CNTNAP2: variants seen among roughly 807,000 people sequenced by gnomAD.
CNTNAP2 encodes contactin-associated protein-like 2.
Under a neutral mutation model 155.2 loss-of-function variants are expected in CNTNAP2, and 98 were observed. The observed-to-expected ratio is 0.63, with a 90% CI of 0.54 to 0.75. CNTNAP2 has a LOEUF of 0.75. Ranked by LOEUF, CNTNAP2 falls within the 30% of genes least tolerant of loss-of-function variation. The pLI is 0.00. For synonymous variants in CNTNAP2, 651 were observed against 631.2 expected (o/e 1.03, Z -0.47); for missense variants, 1,727 against 1,688.1 (o/e 1.02, Z -0.40).
rs375974861 is a variant in CNTNAP2 at position 147,147,629 on chromosome 7, C to T, written c.1348+15120C>T. ...GTCAGGATGATTTTGCATCTTCTTT[C>T]AGTAGTCAGCTTAGAAGTTCCTCCT... On this transcript the variant is annotated intron_variant, in intron 8 of 23. Transcript: ENST00000361727. 2.7e-4 allele frequency among the ~76,000 whole-genome samples: 41 copies of T among 152,176 alleles called. No individual in the cohort carries two copies. In the East Asian group the frequency reaches 4.3e-3, roughly 16 times the overall value.
chr7:147,800,750 T>C lies in CNTNAP2; in HGVS notation c.2099-102815T>C, dbSNP rs572958354. On this transcript the variant is annotated intron_variant, in intron 13 of 23. Coordinates refer to ENST00000361727, the MANE Select transcript of CNTNAP2 (RefSeq NM_014141.6). ...GCAAATACAGTCATGTGCTGCATAA[T>C]GATGTTTCATAATGATGGACCAATA... 2.6e-5 allele frequency among the ~76,000 whole-genome samples: 4 copies of C among 152,352 alleles called. No homozygotes were observed. The South Asian group carries it at 8.3e-4, about 32-fold the overall frequency.
intron 1 of CNTNAP2, among the ~76,000 whole-genome samples, chr7:146,155,862 A>C (rs7786904): frequency 6.6e-6 from 1 of 151,342 alleles, no homozygotes; most frequent in African/African-American, 2.4e-5. Flanking sequence ...ACCATGCCTG[A>C]CTAATTTTTT....
At chr7:146,285,207 C>T (rs754957107) in intron 1 of CNTNAP2, among the ~76,000 whole-genome samples, 16 of 151,952 alleles carry the variant, frequency 1.1e-4, no homozygotes, top group Non-Finnish European at 2.2e-4. Context: ...TTGACCCTGT[C>T]GATATTGACT....
chr7:146,695,233 A>C (rs941151637), intron 1 of CNTNAP2, among the ~76,000 whole-genome samples: 1 of 152,064 alleles, frequency 6.6e-6, no homozygotes, highest in Non-Finnish European at 1.5e-5. Flanking sequence ...GTTTTTGTAG[A>C]TATCTATTAT....
At chr7:147,280,265 C>T (rs1805002875) in intron 8 of CNTNAP2, among the ~76,000 whole-genome samples, 1 of 151,800 alleles carries the variant, frequency 6.6e-6, no homozygotes, top group African/African-American at 2.4e-5. Flanking sequence ...AATTAAACAA[C>T]TGAGGCTTTT....
chr7:148,217,458 C>A lies in CNTNAP2; in HGVS notation c.3181C>A (p.Pro1061Thr). 2 of 1,614,176 alleles carry A rather than the reference C, an allele frequency of 1.2e-6. No individual in the cohort carries two copies. The highest frequency in any genetic ancestry group is 1.7e-5 in the Admixed American group (1 of 60,022). The change falls in exon 19 of 24, where the codon CCC (proline) becomes ACC (threonine). Residue 1061 changes from proline to threonine, a missense_variant. By Grantham distance (38) the Pro-to-Thr change is conservative. Transcript: ENST00000361727. ...IRFSFSTTKA[P>T]CILLYISSFT... ...CTTCAGCTTCAGCACCACCAAGGCG[C>A]CCTGCATTCTCCTCTACATCAGCTC...
intron 1 of CNTNAP2, among the ~76,000 whole-genome samples, chr7:146,396,229 T>A (rs1479481589): frequency 6.6e-6 from 1 of 152,174 alleles, no homozygotes; most frequent in Non-Finnish European, 1.5e-5. Context: ...CATAAATGTG[T>A]TCTTTTCCTT....
rs17170031 is a variant in CNTNAP2 at position 146,299,776 on chromosome 7, C to A, written c.97+182803C>A. Among the ~76,000 whole-genome samples the A allele has an allele frequency of 1.1e-3, 168 of 151,970 alleles. 5 individuals carry two copies. The East Asian group carries it at 0.025, about 23-fold the overall frequency. Reference sequence around the variant, plus strand: ...ATGTGAAACCTTCAGGAATGCATACCCTTTTAGAGAGAAATAAGTCTTAAG... The same window carrying A: ...ATGTGAAACCTTCAGGAATGCATACACTTTTAGAGAGAAATAAGTCTTAAG... On this transcript the variant is annotated intron_variant, in intron 1 of 23. Transcript: ENST00000361727.
intron 1 of CNTNAP2, among the ~76,000 whole-genome samples, chr7:146,640,374 G>T (rs1203713512): frequency 6.6e-6 from 1 of 152,176 alleles, no homozygotes; most frequent in Non-Finnish European, 1.5e-5. Context: ...TTGCACTGTT[G>T]TTTGATAATG....
At chr7:146,861,212 C>T (rs541257820) in intron 3 of CNTNAP2, among the ~76,000 whole-genome samples, 99 of 152,012 alleles carry the variant, frequency 6.5e-4, no homozygotes, top group East Asian at 3.1e-3. Flanking sequence ...AGGCTCATGC[C>T]CAGCTAATTT....
chr7:146,721,356 CTATATACATTCTA>C (rs1211770198), intron 1 of CNTNAP2, among the ~76,000 whole-genome samples: 1 of 128,550 alleles, frequency 7.8e-6, no homozygotes, highest in Admixed American at 8.3e-5. Flanking sequence ...TATATACATT[CTATATACATTCTA>C]TATATACATT....
chr7:148,018,723 C>G (rs187864233), intron 15 of CNTNAP2, among the ~76,000 whole-genome samples: 12 of 152,332 alleles, frequency 7.9e-5, no homozygotes, highest in Admixed American at 2.6e-4. Flanking sequence ...CCAGCCCAGA[C>G]CTTTGTCGTG....
At chr7:148,331,690 C>CGGATGGATTGGAT (rs1554419666) in intron 21 of CNTNAP2, among the ~76,000 whole-genome samples, 49 of 145,954 alleles carry the variant, frequency 3.4e-4, no homozygotes, top group Non-Finnish European at 3.6e-4. Context: ...ATGGAATGGA[C>CGGATGGATTGGAT]GGATGGAGTG....
At chr7:148,286,498 A>G (rs538229745) in intron 21 of CNTNAP2, among the ~76,000 whole-genome samples, 52 of 152,374 alleles carry the variant, frequency 3.4e-4, no homozygotes, top group Non-Finnish European at 2.9e-5. Flanking sequence ...AATATAAATC[A>G]TAAATTAATT....
intron 1 of CNTNAP2, among the ~76,000 whole-genome samples, chr7:146,763,914 T>A (rs1802149012): frequency 6.6e-6 from 1 of 152,212 alleles, no homozygotes; most frequent in South Asian, 2.1e-4. Context: ...CTTGATTGCA[T>A]GGCCTAATCT....
rs1241372466 is a variant in CNTNAP2 at position 147,933,523 on chromosome 7, AG to A, written c.2255+29803del. Among the ~76,000 whole-genome samples, 12 of 152,056 alleles carry A rather than the reference AG, an allele frequency of 7.9e-5. No homozygotes were observed. In the East Asian group the frequency reaches 9.7e-4, roughly 12 times the overall value. Reference sequence around the variant, plus strand: ...TAGATAGATAGATAGATAGATAGATAGATAGATAGATAGATAGATATAACAG... The same window carrying A: ...TAGATAGATAGATAGATAGATAGATAATAGATAGATAGATAGATATAACAG... On this transcript the variant is annotated intron_variant, in intron 14 of 23. Transcript: ENST00000361727.
At chr7:148,017,459 G>C (rs117707293) in intron 15 of CNTNAP2, among the ~76,000 whole-genome samples, 1 of 152,168 alleles carries the variant, frequency 6.6e-6, no homozygotes, top group African/African-American at 2.4e-5. Context: ...GTTAAAAATT[G>C]ATAGTAACTA....
chr7:146,859,579 C>G (rs901803548), intron 3 of CNTNAP2, among the ~76,000 whole-genome samples: 6 of 151,940 alleles, frequency 3.9e-5, no homozygotes, highest in Non-Finnish European at 7.4e-5. Flanking sequence ...ATCGCTTGAA[C>G]GCAGGAGGCA....
At position 148,147,517 on chromosome 7, in the gene CNTNAP2, G is replaced by C. The variant is rs1805209971; in HGVS notation, c.2581G>C (p.Asp861His). 1 of 1,613,964 alleles carries C rather than the reference G, an allele frequency of 6.2e-7. No individual in the cohort carries two copies. The highest frequency in any genetic ancestry group is 1.7e-5 in the Admixed American group (1 of 59,984). Residue 861 changes from aspartate (D) to histidine (H), a missense_variant, in exon 17 of 24, where the codon GAT (aspartate) becomes CAT (histidine). Physicochemically the swap from Asp to His is moderately conservative, Grantham distance 81. Coordinates refer to ENST00000361727, the MANE Select transcript of CNTNAP2 (RefSeq NM_014141.6). ...TGCCACAGAAGTGTCCTTTTCATTT[G>C]ATGTGGGAAATGGGCCAGTAGAGAT... ...KSATEVSFSF[D>H]VGNGPVEIVV... is the part of the protein sequence containing the mutation.
Sources: allele counts gnomAD v4.1 joint callset (sites outside exome capture counted in the v4.1 genomes callset), GRCh38; gene constraint gnomAD v4.1.1; transcripts MANE v1.5; gene names NCBI Gene and HGNC (gene_info 2026-07-23, HGNC 2026-07-21).